The following FNDC3B variants were observed in gnomAD, a reference collection of about 807,000 sequenced individuals.
FNDC3B encodes fibronectin type III domain containing 3B.
In FNDC3B, 12 loss-of-function variants were observed where a neutral mutation model predicts 151.5. The ratio of observed to expected loss-of-function variants is 0.08; its 90% confidence interval spans 0.05 to 0.13. The LOEUF (loss-of-function observed/expected upper bound fraction) is 0.13, where lower values mean the gene tolerates loss of function less well. FNDC3B is among the 10% of genes least tolerant of loss of function. The pLI, the probability that FNDC3B is intolerant of heterozygous loss-of-function variation, is 1.00. For missense variants in FNDC3B, 1,214 were observed against 1,505.3 expected, an observed-to-expected ratio of 0.81 and a Z score of 3.20; for synonymous variants, 528 against 549.0, an observed-to-expected ratio of 0.96 and a Z score of 0.54.
At chr3:172,125,077 G>T (rs979579951) in intron 2 of FNDC3B, among the ~76,000 whole-genome samples, 1 of 152,334 alleles carries the variant, frequency 6.6e-6, no homozygotes, top group African/African-American at 2.4e-5. Context: ...ACCTCTCTTA[G>T]TCTTGTTCAG....
chr3:172,262,219 T>A (rs1253604335), intron 6 of FNDC3B, among the ~76,000 whole-genome samples: 3 of 152,240 alleles, frequency 2.0e-5, no homozygotes, highest in African/African-American at 7.2e-5. Context: ...TTATTGTATA[T>A]TCTATTCCTC....
intron 7 of FNDC3B, among the ~76,000 whole-genome samples, chr3:172,286,750 C>T (rs1483914203): frequency 6.6e-6 from 1 of 152,114 alleles, no homozygotes; most frequent in Non-Finnish European, 1.5e-5. Context: ...TGCAGGGAGT[C>T]TGTACTTACT....
intron 1 of FNDC3B, among the ~76,000 whole-genome samples, chr3:172,093,452 G>T (rs1343447711): frequency 6.6e-6 from 1 of 151,722 alleles, no homozygotes; most frequent in African/African-American, 2.4e-5. Context: ...TAGAGAAGGG[G>T]TTTCATCGTG....
Position 172,307,126 on chromosome 3 carries a change from G to A in FNDC3B, c.1062-237G>A, listed in dbSNP as rs1333072930. 6 of 486,434 alleles carry A rather than the reference G, an allele frequency of 1.2e-5. No homozygotes were observed. The South Asian group carries it at 1.7e-4, about 14-fold the overall frequency. 30.1% of individuals were successfully genotyped at this position (486,434 alleles called of 1,614,324 possible). A position where few individuals can be genotyped will look rare whatever the true frequency, so the allele number is the denominator to read the frequency against. On this transcript the variant is annotated intron_variant, in intron 9 of 25. Coordinates refer to ENST00000415807, the MANE Select transcript of FNDC3B (RefSeq NM_022763.4). ...TAATCTCTTCTAGTCAGTAGATCCT[G>A]CCTATCTTGAAATGGAGCTGGGTGG...
chr3:172,249,528 T>C (rs577748607), intron 5 of FNDC3B, among the ~76,000 whole-genome samples: 2 of 152,342 alleles, frequency 1.3e-5, no homozygotes, highest in South Asian at 4.1e-4. Context: ...TCTTTTACCT[T>C]AGTTCTTAGT....
intron 11 of FNDC3B, among the ~76,000 whole-genome samples, chr3:172,319,044 C>A (rs1358364000): frequency 1.3e-5 from 2 of 152,228 alleles, no homozygotes. Context: ...TGCCTTCTCT[C>A]TTTTACCATT....
At chr3:172,155,511 A>G (rs1371778228) in intron 3 of FNDC3B, among the ~76,000 whole-genome samples, 3 of 152,236 alleles carry the variant, frequency 2.0e-5, no homozygotes, top group Non-Finnish European at 4.4e-5. Flanking sequence ...ACTTTCCTGC[A>G]TAGCCTCAAG....
At chr3:172,270,424 C>G (rs1484065175) in intron 6 of FNDC3B, among the ~76,000 whole-genome samples, 2 of 152,236 alleles carry the variant, frequency 1.3e-5, no homozygotes, top group Non-Finnish European at 2.9e-5. Flanking sequence ...CCTTGCCACA[C>G]AGCATACTTT....
intron 16 of FNDC3B, among the ~76,000 whole-genome samples, chr3:172,340,802 G>A (rs74546523): frequency 0.064 from 9,683 of 152,132 alleles, 1,230 homozygotes; most frequent in East Asian, 0.51. Flanking sequence ...GCCCACCCCT[G>A]TTCTGTGTCT....
intron 14 of FNDC3B, among the ~76,000 whole-genome samples, chr3:172,334,295 T>G (rs1334649347): frequency 6.6e-6 from 1 of 150,796 alleles, no homozygotes; most frequent in Non-Finnish European, 1.5e-5. Context: ...CCCTACGCTT[T>G]AAAAAGTGGG....
intron 25 of FNDC3B, among the ~76,000 whole-genome samples, chr3:172,384,014 A>G (rs1735583328): frequency 6.6e-6 from 1 of 151,810 alleles, no homozygotes; most frequent in African/African-American, 2.4e-5. Context: ...AATTTATAAA[A>G]AAAACTTTGT....
chr3:172,263,696 A>C (rs1442013279), intron 6 of FNDC3B, among the ~76,000 whole-genome samples: 2 of 148,210 alleles, frequency 1.3e-5, no homozygotes, highest in Non-Finnish European at 3.0e-5. Flanking sequence ...GACAGTTTTC[A>C]ATTTGAAAAC....
intron 6 of FNDC3B, among the ~76,000 whole-genome samples, chr3:172,263,609 T>C (rs1728771240): frequency 7.7e-6 from 1 of 129,666 alleles, no homozygotes; most frequent in African/African-American, 3.0e-5. Flanking sequence ...TTTTTTTTTT[T>C]TTGACACACT....
chr3:172,276,539 G>C (rs899677455), intron 6 of FNDC3B, among the ~76,000 whole-genome samples: 2 of 152,176 alleles, frequency 1.3e-5, no homozygotes, highest in African/African-American at 2.4e-5. Flanking sequence ...ATACATGCTA[G>C]AGATCATCAG....
intron 1 of FNDC3B, among the ~76,000 whole-genome samples, chr3:172,111,419 C>T (rs1291995909): frequency 6.6e-6 from 1 of 152,162 alleles, no homozygotes; most frequent in African/African-American, 2.4e-5. Context: ...GTACTATTAA[C>T]ACCGAATTAT....
chr3:172,115,005 G>A (rs187282261), intron 2 of FNDC3B, among the ~76,000 whole-genome samples: 20 of 152,328 alleles, frequency 1.3e-4, no homozygotes, highest in Admixed American at 1.3e-3. Flanking sequence ...GGGCAAAATT[G>A]TTAAGTGGGT....
chr3:172,351,014 T>G (rs1303818448), intron 21 of FNDC3B, among the ~76,000 whole-genome samples: 1 of 152,222 alleles, frequency 6.6e-6, no homozygotes, highest in Non-Finnish European at 1.5e-5. Flanking sequence ...TTGATAACAT[T>G]TATTGAACAC....
At chr3:172,183,252 A>C (rs1003877001) in intron 3 of FNDC3B, among the ~76,000 whole-genome samples, 1 of 152,200 alleles carries the variant, frequency 6.6e-6, no homozygotes, top group African/African-American at 2.4e-5. Context: ...ATTTCCAGTA[A>C]AGTAGGAAAT....
At chr3:172,317,019 A>G (rs1292911625) in intron 11 of FNDC3B, among the ~76,000 whole-genome samples, 90 of 151,994 alleles carry the variant, frequency 5.9e-4, no homozygotes, top group Admixed American at 5.9e-3. Flanking sequence ...AGGGAACCAA[A>G]CTCGTCTTTT....
Sources: allele counts gnomAD v4.1 joint callset (sites outside exome capture counted in the v4.1 genomes callset), GRCh38; gene constraint gnomAD v4.1.1; transcripts MANE v1.5; gene names NCBI Gene and HGNC (gene_info 2026-07-23, HGNC 2026-07-21).